SPRY3: variants seen among roughly 807,000 people sequenced by gnomAD.
The protein encoded by SPRY3 is sprouty RTK signaling antagonist 3.
Under a neutral mutation model 20.2 loss-of-function variants are expected in SPRY3, and 15 were observed. That is an observed-to-expected ratio of 0.74 (90% CI 0.50 to 1.14). The LOEUF (loss-of-function observed/expected upper bound fraction) is 1.14. SPRY3 is among the 50% of genes most tolerant of loss of function. The probability of loss-of-function intolerance (pLI) is 0.00; values close to 1 mark genes in which losing one functional copy is unlikely to be tolerated. For synonymous variants in SPRY3, 143 were observed against 136.5 expected (o/e 1.05, Z -0.33); for missense variants, 364 against 363.9 (o/e 1.00, Z 0.00).
At chrX:155,735,326 A>C (rs2091160960) in intron 2 of SPRY3, among the ~76,000 whole-genome samples, 1 of 152,050 alleles carries the variant, frequency 6.6e-6, no homozygotes, top group Non-Finnish European at 1.5e-5. Context: ...TTGACATTCT[A>C]TGTCAATCAG....
At chrX:155,737,865 C>G (rs2091179309) in intron 2 of SPRY3, among the ~76,000 whole-genome samples, 1 of 152,126 alleles carries the variant, frequency 6.6e-6, no homozygotes, top group South Asian at 2.1e-4. Flanking sequence ...GGAAGATTCT[C>G]TACCTTCAAA....
At position 155,621,252 on chromosome X, in the gene SPRY3, A is replaced by G. The variant is rs782791013; in HGVS notation, c.-441+8605A>G. 1.8e-3 allele frequency among the ~76,000 whole-genome samples: 204 copies of G among 112,249 alleles called. 1 individual carries two copies. The highest frequency in any genetic ancestry group is 6.3e-3 in the African/African-American group (195 of 30,970). ...TAACTTTTGTTTTAGCAGACATTCT[A>G]TGCACGTCTTGTACTATAAATAGCT... On this transcript the variant is annotated intron_variant, in intron 1 of 3. Coordinates refer to ENST00000675360, the Ensembl canonical transcript of SPRY3.
At chrX:155,765,236 T>C (rs965842473) in intron 2 of SPRY3, among the ~76,000 whole-genome samples, 1 of 152,152 alleles carries the variant, frequency 6.6e-6, no homozygotes, top group Non-Finnish European at 1.5e-5. Flanking sequence ...CTGAAGGGAT[T>C]TGCAGATGGT....
intron 2 of SPRY3, among the ~76,000 whole-genome samples, chrX:155,703,559 A>G (rs1418418364): frequency 1.8e-5 from 2 of 109,758 alleles, no homozygotes; most frequent in Non-Finnish European, 3.6e-5. Context: ...ATCCTTTCAA[A>G]AAACCAGCTC....
chrX:155,704,767 T>G (rs648970), intron 2 of SPRY3, among the ~76,000 whole-genome samples: 76,917 of 151,074 alleles, frequency 0.51, 18,566 homozygotes, highest in African/African-American at 0.69. Flanking sequence ...AATCCTGAAG[T>G]CAGAGAAAAG....
chrX:155,774,522 T>C, exon 4 of SPRY3: 1 of 1,614,022 alleles, frequency 6.2e-7, no homozygotes, highest in Non-Finnish European at 8.5e-7. Context: ...GGCCTAGTTC[T>C]TGCTTTGTCC....
chrX:155,752,143 A>G (rs2091266768), intron 2 of SPRY3, among the ~76,000 whole-genome samples: 2 of 151,562 alleles, frequency 1.3e-5, no homozygotes. Flanking sequence ...ATTCTGGTAA[A>G]AATTTTAAAC....
exon 2 of SPRY3, chrX:155,782,167 T>G (rs28629790): frequency 0.14 from 23,199 of 166,980 alleles, 1,815 homozygotes; most frequent in Non-Finnish European, 0.18. Flanking sequence ...GGGGGAGGGT[T>G]GCCCACTAGG....
intron 2 of SPRY3, among the ~76,000 whole-genome samples, chrX:155,697,156 C>T (rs957401750): frequency 3.6e-5 from 4 of 110,969 alleles, no homozygotes; most frequent in Non-Finnish European, 5.7e-5. Flanking sequence ...GAGGGTGTTT[C>T]GACATGAGGT....
chrX:155,709,008 A>AT (rs2090969644), intron 2 of SPRY3, among the ~76,000 whole-genome samples: 1 of 151,344 alleles, frequency 6.6e-6, no homozygotes, highest in Non-Finnish European at 1.5e-5. Flanking sequence ...GGATCTCATT[A>AT]TTTTTTATGA....
intron 2 of SPRY3, among the ~76,000 whole-genome samples, chrX:155,726,512 G>A (rs892732979): frequency 1.3e-5 from 2 of 152,124 alleles, no homozygotes; most frequent in Non-Finnish European, 2.9e-5. Context: ...CCTGTAATGG[G>A]TGCATATATA....
At position 155,739,360 on chromosome X, in the gene SPRY3, T is replaced by A. The variant is rs188573525; in HGVS notation, c.-281-28602T>A. 3.3e-3 allele frequency among the ~76,000 whole-genome samples: 503 copies of A among 152,296 alleles called. 3 individuals are homozygous for A. Among genetic ancestry groups the A allele is most frequent in the African/African-American group, 0.011 (454 of 41,572 alleles). The stretch of plus-strand genomic sequence containing the variant: ...GAGGGGCAACCACTGTCTCTGCAGT[T>A]CAGCTGACAGCATTTTCACCTGCTG... On this transcript the variant is annotated intron_variant, in intron 2 of 3. Coordinates refer to ENST00000675360, the Ensembl canonical transcript of SPRY3.
chrX:155,673,782 C>T (rs2068051389), intron 2 of SPRY3, among the ~76,000 whole-genome samples: 1 of 112,120 alleles, frequency 8.9e-6, no homozygotes. Context: ...ATTCAGGATA[C>T]ACTTAAGAGA....
At chrX:155,653,412 T>C (rs2067983002) in intron 1 of SPRY3, among the ~76,000 whole-genome samples, 1 of 112,155 alleles carries the variant, frequency 8.9e-6, no homozygotes, top group Non-Finnish European at 1.9e-5. Context: ...TTTGAGTTAA[T>C]TTTTATACAT....
At chrX:155,679,551 T>A (rs2068067637) in intron 2 of SPRY3, among the ~76,000 whole-genome samples, 1 of 111,361 alleles carries the variant, frequency 9.0e-6, no homozygotes, top group African/African-American at 3.3e-5. Flanking sequence ...CTTAATCACC[T>A]CCTAAAGGTC....
chrX:155,774,507 T>C (rs780149663), exon 4 of SPRY3: 2 of 1,614,018 alleles, frequency 1.2e-6, no homozygotes, highest in African/African-American at 1.3e-5. Context: ...AGCCCTGCTC[T>C]TGTGGGCCTA....
At chrX:155,706,351 G>T (rs1473898538) in intron 2 of SPRY3, among the ~76,000 whole-genome samples, 2 of 151,068 alleles carry the variant, frequency 1.3e-5, no homozygotes, top group Non-Finnish European at 3.0e-5. Flanking sequence ...ACTTTGCATG[G>T]TGTAGCTACA....
At chrX:155,685,899 C>T (rs1267122460) in intron 2 of SPRY3, among the ~76,000 whole-genome samples, 1 of 111,025 alleles carries the variant, frequency 9.0e-6, no homozygotes, top group Non-Finnish European at 1.9e-5. Flanking sequence ...TCCCGAGTAG[C>T]TGGGACTACA....
At chrX:155,736,790 GTTTC>G (rs930923992) in intron 2 of SPRY3, among the ~76,000 whole-genome samples, 10 of 151,882 alleles carry the variant, frequency 6.6e-5, no homozygotes, top group South Asian at 2.1e-4. Flanking sequence ...TATTTATTTT[GTTTC>G]TTTCTCTCTT....
Sources: allele counts gnomAD v4.1 joint callset (sites outside exome capture counted in the v4.1 genomes callset), GRCh38; gene constraint gnomAD v4.1.1; transcripts MANE v1.5; gene names NCBI Gene and HGNC (gene_info 2026-07-23, HGNC 2026-07-21).